The following CD36 variants were observed in gnomAD, a reference collection of about 807,000 sequenced individuals.
CD36 encodes the protein platelet glycoprotein 4.
Under a neutral mutation model 55.2 loss-of-function variants are expected in CD36, and 119 were observed. The observed-to-expected ratio is 2.15, with a 90% CI of 1.86 to 2.51. The LOEUF is 2.51. Among genes scored for constraint, CD36 ranks in the 30% most tolerant of loss-of-function variants. CD36 has a pLI of 0.00. For synonymous variants in CD36, 186 were observed against 193.6 expected, an observed-to-expected ratio of 0.96 and a Z score of 0.33; for missense variants, 819 against 555.5, an observed-to-expected ratio of 1.47 and a Z score of -4.77.
chr7:80,654,472 T>G (rs1051403089), intron 3 of CD36, among the ~76,000 whole-genome samples: 2 of 152,222 alleles, frequency 1.3e-5, no homozygotes, highest in African/African-American at 4.8e-5. Context: ...GTGTTCTCCC[T>G]TGTTAAGTCT....
intron 11 of CD36, 93 bp from the exon 12 acceptor site, chr7:80,672,677 C>T (rs1424366550): frequency 4.7e-6 from 4 of 849,094 alleles, no homozygotes; most frequent in Non-Finnish European, 7.8e-6. Context: ...CCTTAAGTTA[C>T]TACCTTCTCT....
chr7:80,673,399 G>A lies in CD36; in HGVS notation c.1244G>A (p.Trp415Ter), dbSNP rs1463817861. 1.3e-6 allele frequency: 2 copies of A among 1,566,114 alleles called. No homozygotes were observed. Among genetic ancestry groups the A allele is most frequent in the Non-Finnish European group, 1.8e-6 (2 of 1,137,166 alleles). Residue 415 changes from tryptophan to a stop codon, truncating the protein, a stop_gained, in exon 13 of 15, where the codon TGG (tryptophan) becomes TAG (stop). Coordinates refer to ENST00000447544, the MANE Select transcript of CD36 (RefSeq NM_001001548.3). LOFTEE classifies it high-confidence loss of function. ...LKRNYIVPIL[W>*]LNETGTIGDE... ...AGGAACTATATTGTGCCTATTCTTTGGCTTAATGAGGTTTGTATTTGCAGC... is the reference window on the plus strand; with the variant it reads ...AGGAACTATATTGTGCCTATTCTTTAGCTTAATGAGGTTTGTATTTGCAGC...
intron 4 of CD36, among the ~76,000 whole-genome samples, chr7:80,660,840 C>T (rs1167466235): frequency 1.3e-5 from 2 of 152,120 alleles, no homozygotes; most frequent in African/African-American, 4.8e-5. Context: ...TAACAATATT[C>T]CTTCTCTCTC....
intron 1 of CD36, among the ~76,000 whole-genome samples, chr7:80,631,587 G>A (rs1794074727): frequency 6.6e-6 from 1 of 151,294 alleles, no homozygotes; most frequent in Non-Finnish European, 1.5e-5. Context: ...AAGATAACCA[G>A]CTATCACAAA....
At chr7:80,647,166 G>T in intron 3 of CD36, 1 of 329,376 alleles carries the variant, frequency 3.0e-6, no homozygotes, top group Non-Finnish European at 5.9e-6. Context: ...GAGCATGTTG[G>T]CATGCTTTTG....
At chr7:80,675,407 TGTAA>T (rs150199857) in intron 14 of CD36, among the ~76,000 whole-genome samples, 181 of 152,272 alleles carry the variant, frequency 1.2e-3, no homozygotes, top group African/African-American at 3.9e-3. Context: ...AAACATGTTT[TGTAA>T]GTAAGTATTC....
intron 7 of CD36, 88 bp downstream of exon 7, chr7:80,664,585 C>T (rs183438098): frequency 1.6e-4 from 131 of 802,974 alleles, no homozygotes; most frequent in Admixed American, 2.6e-4. Context: ...AAGACATAGG[C>T]ATCAACCTAT....
chr7:80,635,514 A>T (rs1794343918), upstream of CD36, among the ~76,000 whole-genome samples: 1 of 152,122 alleles, frequency 6.6e-6, no homozygotes, highest in Admixed American at 6.6e-5. Flanking sequence ...ACCTCAAGTG[A>T]TCCGCCCACC....
At chr7:80,673,600 T>C (rs1797946911) in intron 13 of CD36, 191 bp downstream of exon 13, 3 of 573,880 alleles carry the variant, frequency 5.2e-6, no homozygotes, top group Non-Finnish European at 9.4e-6. Context: ...TTTAAGATTT[T>C]CTTCAAAAAT....
intron 1 of CD36, chr7:80,623,999 T>G (rs973205941): frequency 2.6e-5 from 4 of 152,070 alleles, no homozygotes; most frequent in Admixed American, 2.6e-4. Context: ...CTCACAGGAG[T>G]GTCAATCAAA....
chr7:80,612,251 A>G (rs2115787218), intron 1 of CD36, among the ~76,000 whole-genome samples: 1 of 152,338 alleles, frequency 6.6e-6, no homozygotes, highest in Non-Finnish European at 1.5e-5. Flanking sequence ...GAGTCCTGTA[A>G]TATAAAATAT....
intron 3 of CD36, among the ~76,000 whole-genome samples, chr7:80,652,380 T>C (rs998201636): frequency 6.6e-6 from 1 of 152,238 alleles, no homozygotes; most frequent in Non-Finnish European, 1.5e-5. Flanking sequence ...TAAAGCTTAC[T>C]ACTCCAATAC....
chr7:80,618,942 T>C (rs7811490), intron 1 of CD36, among the ~76,000 whole-genome samples: 2,928 of 151,716 alleles, frequency 0.019, 101 homozygotes, highest in African/African-American at 0.066. Context: ...CAGCCTTCCA[T>C]TGGAAAAAGG....
At chr7:80,604,486 C>T (rs1033574832) in intron 1 of CD36, among the ~76,000 whole-genome samples, 16 of 147,666 alleles carry the variant, frequency 1.1e-4, no homozygotes, top group African/African-American at 3.2e-4. Context: ...TGACAAACCA[C>T]GTGGAGAAGT....
At position 80,646,826 on chromosome 7, in the gene CD36, T is replaced by C; in HGVS notation, c.86T>C (p.Val29Ala). 1 of 1,614,008 alleles carries C rather than the reference T, an allele frequency of 6.2e-7. No homozygotes were observed. The highest frequency in any genetic ancestry group is 8.5e-7 in the Non-Finnish European group (1 of 1,179,920). ...LAVFGGILMP[V>A]GDLLIQKTIK... is the part of the protein sequence containing the mutation. Reference sequence around the variant, plus strand: ...GTGTTTGGAGGTATTCTAATGCCAGTTGGAGACCTGCTTATCCAGAAGACA... The same window carrying C: ...GTGTTTGGAGGTATTCTAATGCCAGCTGGAGACCTGCTTATCCAGAAGACA... The change falls in exon 3 of 15, where the codon GTT becomes GCT. Residue 29 changes from valine (V) to alanine (A), a missense_variant. Val to Ala is a moderately conservative substitution (Grantham distance 64). Coordinates refer to ENST00000447544, the MANE Select transcript of CD36 (RefSeq NM_001001548.3).
chr7:80,667,965 T>G (rs1441953022), intron 8 of CD36, among the ~76,000 whole-genome samples: 3 of 151,974 alleles, frequency 2.0e-5, no homozygotes, highest in Non-Finnish European at 4.4e-5. Context: ...GCCAGGATGG[T>G]CTTGATCTCT....
chr7:80,669,490 T>C (rs1332966603), intron 8 of CD36, among the ~76,000 whole-genome samples: 1 of 152,152 alleles, frequency 6.6e-6, no homozygotes, highest in Non-Finnish European at 1.5e-5. Context: ...TGCAATGGCA[T>C]GATCTTGGCT....
chr7:80,604,350 A>ATTTTTTTTTTTTTTTTTT lies in CD36; in HGVS notation c.-184+1994_-184+2011dup, dbSNP rs67213422. ...TACAGTAATTGGCTAAGCCACTGGAATTTTTTTTTTTTTTTTTTTTTTTTT... is the reference window on the plus strand; with the variant it reads ...TACAGTAATTGGCTAAGCCACTGGAATTTTTTTTTTTTTTTTTTTTTTTTTTTTTTTTTTTTTTTTTTT... On this transcript the variant is annotated intron_variant, in intron 1 of 13. Coordinates refer to the CD36 transcript ENST00000309881. Among the ~76,000 whole-genome samples the ATTTTTTTTTTTTTTTTTT allele has an allele frequency of 6.3e-4, 34 of 54,290 alleles. 2 individuals are homozygous for ATTTTTTTTTTTTTTTTTT. Among genetic ancestry groups the ATTTTTTTTTTTTTTTTTT allele is most frequent in the East Asian group, 1.6e-3 (4 of 2,564 alleles). The allele number at this position is 54,290 out of a possible 152,430, so 35.6% of individuals were successfully genotyped here.
chr7:80,664,486 T>A lies in CD36; in HGVS notation c.690T>A (p.Tyr230Ter). 6.5e-7 allele frequency: 1 copy of A among 1,543,068 alleles called. No individual in the cohort carries two copies. Among genetic ancestry groups the A allele is most frequent in the Non-Finnish European group, 9.0e-7 (1 of 1,115,778 alleles). The change falls in exon 7 of 15, where the codon TAT (tyrosine) becomes TAA (stop). Residue 230 changes from tyrosine to a stop codon, truncating the protein, a stop_gained. Transcript: ENST00000447544. LOFTEE classifies it high-confidence loss of function. Reference protein sequence around the residue: ...NISKVAIIDTYKGKRNLSYWE... With the variant: ...NISKVAIIDT ...GTAAAGTTGCCATAATCGACACATATAAAGGTAAAAGGTAAGTATTCTGGT... is the reference window on the plus strand; with the variant it reads ...GTAAAGTTGCCATAATCGACACATAAAAAGGTAAAAGGTAAGTATTCTGGT...
Sources: gnomAD v4.1 joint callset for allele counts (sites outside exome capture counted in the v4.1 genomes callset) on GRCh38, gnomAD v4.1.1 for gene constraint, MANE v1.5 for transcripts, NCBI Gene and HGNC (gene_info 2026-07-23, HGNC 2026-07-21) for gene names.